LOXHD1: variants seen among roughly 807,000 people sequenced by gnomAD.
LOXHD1 encodes the protein lipoxygenase homology PLAT domains 1.
Under a neutral mutation model 248.2 loss-of-function variants are expected in LOXHD1, and 205 were observed. That is an observed-to-expected ratio of 0.83 (90% CI 0.74 to 0.93). The LOEUF (loss-of-function observed/expected upper bound fraction) is 0.93. Ranked by LOEUF, LOXHD1 falls within the 40% of genes least tolerant of loss-of-function variation. LOXHD1 has a pLI of 0.00. For synonymous variants in LOXHD1, 1,113 were observed against 1,162.8 expected (o/e 0.96, Z 0.87); for missense variants, 2,930 against 2,971.6 (o/e 0.99, Z 0.33).
chr18:46,503,406 C>T (rs986514256), intron 37 of LOXHD1, among the ~76,000 whole-genome samples: 2 of 152,204 alleles, frequency 1.3e-5, no homozygotes, highest in African/African-American at 4.8e-5. Context: ...TGGAGATACA[C>T]AGAATGTGGC....
chr18:46,618,427 C>G lies in LOXHD1; in HGVS notation c.512-137G>C, dbSNP rs182015454. The stretch of plus-strand genomic sequence containing the variant: ...GTCACCATTACTGTCAATAACAGAG[C>G]AAAAAACAAGTCAGTCCACATTGGT... On this transcript the variant is annotated intron_variant, in intron 4 of 40. Coordinates refer to ENST00000642948, the MANE Select transcript of LOXHD1 (RefSeq NM_001384474.1). The G allele has an allele frequency of 8.8e-4, 557 of 632,556 alleles. 1 individual carries two copies. Among genetic ancestry groups the G allele is most frequent in the Non-Finnish European group, 1.2e-3 (436 of 359,840 alleles). 39.2% of individuals were successfully genotyped at this position (632,556 alleles called of 1,614,324 possible).
At chr18:46,647,335 T>A (rs559294598) in intron 2 of LOXHD1, among the ~76,000 whole-genome samples, 1 of 152,270 alleles carries the variant, frequency 6.6e-6, no homozygotes, top group East Asian at 1.9e-4. Flanking sequence ...AAAGGGTGGC[T>A]CAGGGGCCCT....
rs574103470 is a variant in LOXHD1 at position 46,493,197 on chromosome 18, G to C, written c.5879-4055C>G. On this transcript the variant is annotated intron_variant, in intron 37 of 40. Coordinates refer to ENST00000642948, the MANE Select transcript of LOXHD1 (RefSeq NM_001384474.1). ...TTAGAAACTTTGCATCTACCATTCT[G>C]TCTGTTTGGAACTATATTCCCCAGG... Among the ~76,000 whole-genome samples the C allele has an allele frequency of 2.4e-4, 37 of 152,204 alleles. 1 individual carries two copies. The South Asian group carries it at 7.7e-3, about 32-fold the overall frequency.
At position 46,574,805 on chromosome 18, in the gene LOXHD1, G is replaced by A. The variant is rs531318439; in HGVS notation, c.1971-2643C>T. On this transcript the variant is annotated intron_variant, in intron 14 of 40. Transcript: ENST00000642948. Reference sequence around the variant, plus strand: ...TAAGACACATGCTGGCCAGGAAGGTGCAGAAGACCAGACAAGGGATTGGGT... The same window carrying A: ...TAAGACACATGCTGGCCAGGAAGGTACAGAAGACCAGACAAGGGATTGGGT... Among the ~76,000 whole-genome samples, 142 of 152,258 alleles carry A rather than the reference G, an allele frequency of 9.3e-4. 1 individual carries two copies. The highest frequency in any genetic ancestry group is 2.1e-3 in the South Asian group (10 of 4,822).
Position 46,507,562 on chromosome 18 carries a change from C to T in LOXHD1, c.5668G>A (p.Ala1890Thr), listed in dbSNP as rs370986239. Reference sequence around the variant, plus strand: ...CCCAGGATGTCGCTGGTCTTAACTGCGACGGTGTAGGAGGTCCACTCCATC... The same window carrying T: ...CCCAGGATGTCGCTGGTCTTAACTGTGACGGTGTAGGAGGTCCACTCCATC... ...EMMEWTSYTV[A>T]VKTSDILGAG... The change falls in exon 36 of 41, where the codon GCA becomes ACA. Residue 1890 changes from alanine to threonine, a missense_variant. Coordinates refer to ENST00000642948, the MANE Select transcript of LOXHD1 (RefSeq NM_001384474.1). The T allele has an allele frequency of 3.1e-5, 48 of 1,551,696 alleles. No individual in the cohort carries two copies. Among genetic ancestry groups the T allele is most frequent in the African/African-American group, 1.4e-4 (10 of 73,174 alleles).
At chr18:46,618,545 G>A (rs2038622932) in intron 4 of LOXHD1, among the ~76,000 whole-genome samples, 2 of 152,236 alleles carry the variant, frequency 1.3e-5, no homozygotes, top group African/African-American at 4.8e-5. Context: ...GCCATTGGAT[G>A]TATGACCATC....
At chr18:46,582,486 G>T (rs1250325847) in intron 12 of LOXHD1, among the ~76,000 whole-genome samples, 1 of 151,612 alleles carries the variant, frequency 6.6e-6, no homozygotes, top group South Asian at 2.1e-4. Flanking sequence ...AGTAAAGAAA[G>T]CAGTAAGAAT....
chr18:46,513,017 T>C (rs2035057021), intron 34 of LOXHD1, among the ~76,000 whole-genome samples: 1 of 151,938 alleles, frequency 6.6e-6, no homozygotes, highest in African/African-American at 2.4e-5. Context: ...AGGTATGAAA[T>C]CCAGGTGATA....
chr18:46,521,087 C>T lies in LOXHD1; in HGVS notation c.5271+10G>A, dbSNP rs114014042. 2,126 of 1,550,504 alleles carry T rather than the reference C, an allele frequency of 1.4e-3. 22 individuals are homozygous for T. In the African/African-American group the frequency reaches 0.026, roughly 19 times the overall value. On this transcript the variant is annotated intron_variant, in intron 33 of 40. Coordinates refer to ENST00000642948, the MANE Select transcript of LOXHD1 (RefSeq NM_001384474.1). Reference sequence around the variant, plus strand: ...GGCCATGCACTGCACACTCACAGTGCCCCCCCTACCTTCACCCCAATGTTC... The same window carrying T: ...GGCCATGCACTGCACACTCACAGTGTCCCCCCTACCTTCACCCCAATGTTC...
intron 23 of LOXHD1, chr18:46,544,861 T>G: frequency 2.1e-6 from 1 of 471,980 alleles, no homozygotes; most frequent in Non-Finnish European, 4.4e-6. Context: ...TTTGAGCAAA[T>G]ATATGATGAC....
intron 40 of LOXHD1, among the ~76,000 whole-genome samples, chr18:46,482,289 C>A (rs2032643939): frequency 6.6e-6 from 1 of 152,090 alleles, no homozygotes; most frequent in South Asian, 2.1e-4. Context: ...AGATGGGGGA[C>A]TTCAAGAGAT....
In LOXHD1 at chr18:46,541,944, G is replaced by A; in HGVS notation, c.3749-4C>T. On this transcript the variant is annotated splice_polypyrimidine_tract_variant and splice_region_variant and intron_variant, in intron 24 of 40. Coordinates refer to ENST00000642948, the MANE Select transcript of LOXHD1 (RefSeq NM_001384474.1). ...ACAAACCAGCCTGGGGCCTTGCCTAGAGAGAGAGGAGACACAAAACCCATC... is the reference window on the plus strand; with the variant it reads ...ACAAACCAGCCTGGGGCCTTGCCTAAAGAGAGAGGAGACACAAAACCCATC... 6.5e-7 allele frequency: 1 copy of A among 1,548,580 alleles called. No homozygotes were observed. The highest frequency in any genetic ancestry group is 1.2e-5 in the South Asian group (1 of 83,762).
rs115835484 is a variant in LOXHD1 at position 46,477,511 on chromosome 18, C to T, written c.6783G>A (p.Gly2261=). 776 of 1,550,738 alleles carry T rather than the reference C, an allele frequency of 5.0e-4. 4 individuals carry two copies. In the African/African-American group the frequency reaches 9.7e-3, roughly 19 times the overall value. Residue 2261 remains glycine (G), a synonymous_variant, in exon 41 of 41, where the codon GGG becomes GGA. Transcript: ENST00000642948. ...NCGRWLDKKR[G]DGLTWRDLFP... Reference sequence around the variant, plus strand: ...AGAGGTCTCTCCAGGTGAGTCCATCCCCCCGCTTCTTGTCCAGCCACCTGC... The same window carrying T: ...AGAGGTCTCTCCAGGTGAGTCCATCTCCCCGCTTCTTGTCCAGCCACCTGC...
intron 27 of LOXHD1, among the ~76,000 whole-genome samples, chr18:46,533,989 T>C (rs191271958): frequency 5.1e-4 from 78 of 152,344 alleles, no homozygotes; most frequent in African/African-American, 1.8e-3. Flanking sequence ...GTTTATACTT[T>C]TGTGGCTTCA....
rs1319726197 is a variant in LOXHD1, at chr18:46,477,694, C to T, written c.6600G>A (p.Arg2200=). The T allele has an allele frequency of 1.3e-6, 2 of 1,551,924 alleles. No individual in the cohort carries two copies. Among genetic ancestry groups the T allele is most frequent in the Non-Finnish European group, 1.7e-6 (2 of 1,147,044 alleles). ...CCAGGAAGAAGCGGTCTGTGCTGCCCCGCTCGAAGAGGTTGCGCATTTTCT... is the reference window on the plus strand; with the variant it reads ...CCAGGAAGAAGCGGTCTGTGCTGCCTCGCTCGAAGAGGTTGCGCATTTTCT... The part of the protein sequence containing the change: ...LKQKMRNLFE[R]GSTDRFFLET... Residue 2200 remains arginine, a synonymous_variant, in exon 41 of 41, where the codon CGG becomes CGA. Transcript: ENST00000642948.
intron 34 of LOXHD1, among the ~76,000 whole-genome samples, chr18:46,512,883 T>C (rs983250056): frequency 1.3e-5 from 2 of 152,036 alleles, no homozygotes; most frequent in Admixed American, 1.3e-4. Flanking sequence ...ACAATCACAC[T>C]CAACAGCTCA....
intron 33 of LOXHD1, 126 bp downstream of exon 33, chr18:46,520,971 C>T: frequency 8.8e-7 from 1 of 1,138,278 alleles, no homozygotes; most frequent in Non-Finnish European, 1.2e-6. Context: ...GCACACCAGG[C>T]TGCAGCGCCT....
At chr18:46,577,600 T>C in intron 14 of LOXHD1, 107 bp downstream of exon 14, 3 of 1,316,032 alleles carry the variant, frequency 2.3e-6, no homozygotes, top group Non-Finnish European at 3.1e-6. Context: ...GCTATAGCCT[T>C]AAGCCACTGT....
chr18:46,479,599 A>T (rs897528416), intron 40 of LOXHD1, among the ~76,000 whole-genome samples: 2 of 151,994 alleles, frequency 1.3e-5, no homozygotes, highest in African/African-American at 4.8e-5. Context: ...GGAGGTTTGG[A>T]CTGAACAATT....
Sources: gnomAD v4.1 joint callset for allele counts (sites outside exome capture counted in the v4.1 genomes callset) on GRCh38, gnomAD v4.1.1 for gene constraint, MANE v1.5 for transcripts, NCBI Gene and HGNC (gene_info 2026-07-23, HGNC 2026-07-21) for gene names.